The following CNTN5 variants were observed in gnomAD, a reference collection of about 807,000 sequenced individuals.
The protein encoded by CNTN5 is contactin 5, also known as contactin-5.
In CNTN5, 77 loss-of-function variants were observed where a neutral mutation model predicts 129.1. That is an observed-to-expected ratio of 0.60 (90% CI 0.50 to 0.72). CNTN5 has a LOEUF of 0.72. Among genes scored for constraint, CNTN5 ranks in the 30% least tolerant of loss-of-function variants. The pLI is 0.00. For missense variants in CNTN5, 1,478 were observed against 1,328.8 expected, an observed-to-expected ratio of 1.11 and a Z score of -1.75; for synonymous variants, 509 against 465.6, an observed-to-expected ratio of 1.09 and a Z score of -1.20.
At chr11:99,698,988 AC>A (rs1464136545) in intron 3 of CNTN5, among the ~76,000 whole-genome samples, 1 of 151,222 alleles carries the variant, frequency 6.6e-6, no homozygotes, top group African/African-American at 2.4e-5. Context: ...AAAAATTAAA[AC>A]TTTTTTTTCC....
At chr11:99,449,836 G>A (rs1240533099) in intron 2 of CNTN5, among the ~76,000 whole-genome samples, 9 of 152,188 alleles carry the variant, frequency 5.9e-5, no homozygotes, top group Admixed American at 5.9e-4. Context: ...TTAGGTGGAT[G>A]TCCATTTGAC....
chr11:99,120,740 T>C (rs1048340340), intron 1 of CNTN5, among the ~76,000 whole-genome samples: 3 of 152,206 alleles, frequency 2.0e-5, no homozygotes, highest in African/African-American at 7.2e-5. Flanking sequence ...GGTGAGTATA[T>C]TGTATATTTT....
chr11:99,965,095 T>A (rs1271182080), intron 8 of CNTN5, among the ~76,000 whole-genome samples: 2 of 152,302 alleles, frequency 1.3e-5, no homozygotes, highest in East Asian at 3.9e-4. Context: ...ATTTTGTTGA[T>A]CTTTTCAAAA....
chr11:99,042,844 C>A (rs1453762768), intron 1 of CNTN5, among the ~76,000 whole-genome samples: 1 of 148,702 alleles, frequency 6.7e-6, no homozygotes, highest in Non-Finnish European at 1.5e-5. Flanking sequence ...GCTCCAGTAA[C>A]TGAAGAATTC....
intron 8 of CNTN5, among the ~76,000 whole-genome samples, chr11:99,991,259 A>T (rs1192075132): frequency 6.6e-6 from 1 of 152,068 alleles, no homozygotes; most frequent in African/African-American, 2.4e-5. Flanking sequence ...CAAGGCCAGG[A>T]GATCGAGACC....
chr11:99,992,515 C>T (rs997376125), intron 8 of CNTN5, among the ~76,000 whole-genome samples: 1 of 152,126 alleles, frequency 6.6e-6, no homozygotes, highest in African/African-American at 2.4e-5. Flanking sequence ...AAGGTCCATT[C>T]TTGAATTTTT....
chr11:100,262,402 A>G (rs941578893), intron 17 of CNTN5, among the ~76,000 whole-genome samples: 3 of 152,186 alleles, frequency 2.0e-5, no homozygotes, highest in Non-Finnish European at 4.4e-5. Context: ...AGGATATAGA[A>G]CTGGAAATAT....
chr11:99,280,010 A>T (rs1863622272), intron 1 of CNTN5, among the ~76,000 whole-genome samples: 1 of 151,736 alleles, frequency 6.6e-6, no homozygotes, highest in South Asian at 2.1e-4. Flanking sequence ...AAAGAAAAAA[A>T]ATCAGGATAT....
chr11:99,036,488 A>T (rs150797339), intron 1 of CNTN5, among the ~76,000 whole-genome samples: 286 of 152,310 alleles, frequency 1.9e-3, no homozygotes, highest in African/African-American at 6.4e-3. Context: ...GATTTATATG[A>T]ATAGTTCCTC....
At chr11:100,078,856 A>G (rs1456140310) in intron 13 of CNTN5, among the ~76,000 whole-genome samples, 1 of 152,090 alleles carries the variant, frequency 6.6e-6, no homozygotes, top group African/African-American at 2.4e-5. Context: ...ATCTGTATCA[A>G]GCCATTTTCC....
At chr11:99,182,841 G>C (rs1858145616) in intron 1 of CNTN5, among the ~76,000 whole-genome samples, 1 of 152,068 alleles carries the variant, frequency 6.6e-6, no homozygotes, top group Admixed American at 6.6e-5. Flanking sequence ...CTGACGTTGA[G>C]CTTCACTGTG....
chr11:99,810,401 T>C (rs1054455704), intron 3 of CNTN5, among the ~76,000 whole-genome samples: 8 of 152,166 alleles, frequency 5.3e-5, no homozygotes, highest in African/African-American at 1.9e-4. Context: ...GTTAACTTTT[T>C]TTCTTGTATC....
intron 1 of CNTN5, among the ~76,000 whole-genome samples, chr11:99,053,318 G>A (rs1864500561): frequency 1.3e-5 from 2 of 151,692 alleles, no homozygotes; most frequent in Non-Finnish European, 2.9e-5. Flanking sequence ...GACTTTCATA[G>A]GAAAGAAAAA....
At chr11:99,148,587 T>C (rs1164234349) in intron 1 of CNTN5, among the ~76,000 whole-genome samples, 1 of 152,176 alleles carries the variant, frequency 6.6e-6, no homozygotes, top group Non-Finnish European at 1.5e-5. Flanking sequence ...AGCTAAGCAT[T>C]GTCTGAAACT....
chr11:99,670,623 A>T (rs1396776454), intron 3 of CNTN5, among the ~76,000 whole-genome samples: 1 of 152,170 alleles, frequency 6.6e-6, no homozygotes, highest in Non-Finnish European at 1.5e-5. Flanking sequence ...AGTCCCAGTG[A>T]TGTTCACCAT....
At chr11:99,620,717 C>T (rs2048514) in intron 3 of CNTN5, among the ~76,000 whole-genome samples, 68,252 of 151,270 alleles carry the variant, frequency 0.45, 15,812 homozygotes, top group Admixed American at 0.59. Flanking sequence ...CCCGCTCCCC[C>T]CCGGCCATCA....
chr11:99,981,801 T>C (rs575005934), intron 8 of CNTN5, among the ~76,000 whole-genome samples: 13 of 152,318 alleles, frequency 8.5e-5, no homozygotes, highest in African/African-American at 3.1e-4. Flanking sequence ...AAACTAGCTC[T>C]TATCACTATG....
chr11:99,809,917 G>A (rs762356065), intron 3 of CNTN5, among the ~76,000 whole-genome samples: 1 of 151,992 alleles, frequency 6.6e-6, no homozygotes, highest in Non-Finnish European at 1.5e-5. Flanking sequence ...CAAAACAAGA[G>A]GGAATTCTTT....
chr11:99,959,088 C>G (rs1487570515), intron 8 of CNTN5, among the ~76,000 whole-genome samples: 1 of 152,154 alleles, frequency 6.6e-6, no homozygotes, highest in East Asian at 1.9e-4. Context: ...AATCCCTTTG[C>G]CTCTGTGTCT....
Sources: gnomAD v4.1 joint callset for allele counts (sites outside exome capture counted in the v4.1 genomes callset) on GRCh38, gnomAD v4.1.1 for gene constraint, MANE v1.5 for transcripts, NCBI Gene and HGNC (gene_info 2026-07-23, HGNC 2026-07-21) for gene names.